Variants in EPS15L1 observed in about 807,000 individuals in gnomAD.
The protein encoded by EPS15L1 is epidermal growth factor receptor pathway substrate 15 like 1, also known as epidermal growth factor receptor substrate 15-like 1.
A neutral mutation model predicts 117.1 loss-of-function variants in EPS15L1; 43 were observed. The ratio of observed to expected loss-of-function variants is 0.37; its 90% CI spans 0.29 to 0.47. The LOEUF (loss-of-function observed/expected upper bound fraction) is 0.47. Ranked by LOEUF, EPS15L1 falls within the 20% of genes least tolerant of loss-of-function variation. The pLI is 0.99. For synonymous variants in EPS15L1, 459 were observed against 470.5 expected, an observed-to-expected ratio of 0.98 and a Z score of 0.32; for missense variants, 981 against 1,164.0, an observed-to-expected ratio of 0.84 and a Z score of 2.29.
At chr19:16,369,187 G>A (rs1357337597) in intron 22 of EPS15L1, among the ~76,000 whole-genome samples, 2 of 152,106 alleles carry the variant, frequency 1.3e-5, no homozygotes, top group African/African-American at 4.8e-5. Context: ...GGACCTGCAG[G>A]CTGGGAGTCC....
intron 16 of EPS15L1, among the ~76,000 whole-genome samples, chr19:16,395,997 A>G (rs2092536792): frequency 6.6e-6 from 1 of 151,532 alleles, no homozygotes; most frequent in Admixed American, 6.6e-5. Flanking sequence ...AATCCCAGCT[A>G]CTTGGGAGGT....
chr19:16,370,059 C>T lies in EPS15L1; in HGVS notation c.2380+7063G>A, dbSNP rs1368853884. On this transcript the variant is annotated intron_variant, in intron 22 of 23. Transcript: ENST00000455140. This position sits in a 1 kb window ranked among gnomAD's most constrained non-coding sequence, Gnocchi z 5.2. ...CCACATGTAACAAGATCCCTGAGAA[C>T]GCCGTGCAGCGAGTCTGAAAGCTGG... is the stretch of plus-strand genomic sequence containing the variant. 6.6e-6 allele frequency among the ~76,000 whole-genome samples: 1 copy of T among 152,170 alleles called. No homozygotes were observed. The highest frequency in any genetic ancestry group is 1.5e-5 in the Non-Finnish European group (1 of 68,014).
intron 21 of EPS15L1, among the ~76,000 whole-genome samples, chr19:16,382,622 CTTTT>C (rs755907271): frequency 5.0e-5 from 7 of 141,162 alleles, no homozygotes; most frequent in Non-Finnish European, 1.1e-4. Flanking sequence ...TCACAGATGG[CTTTT>C]TTTTTTTTTC....
At chr19:16,414,345 G>A (rs115887586) in intron 12 of EPS15L1, among the ~76,000 whole-genome samples, 1,785 of 152,032 alleles carry the variant, frequency 0.012, 34 homozygotes, top group African/African-American at 0.041. Flanking sequence ...CAGCCCAGCC[G>A]ACGCCTTGAC....
intron 22 of EPS15L1, among the ~76,000 whole-genome samples, chr19:16,363,431 C>T (rs1304361202): frequency 1.3e-5 from 2 of 152,112 alleles, no homozygotes; most frequent in African/African-American, 2.4e-5. Flanking sequence ...CTTCCTCATC[C>T]GGTAGAACGA....
intron 13 of EPS15L1, chr19:16,412,657 A>C (rs1349074207): frequency 6.7e-6 from 1 of 148,730 alleles, no homozygotes; most frequent in Non-Finnish European, 1.4e-5. Context: ...ATTTTTAAAA[A>C]CTTCTTCTTC....
At chr19:16,461,392 A>T (rs1364822632) in intron 1 of EPS15L1, among the ~76,000 whole-genome samples, 1 of 151,754 alleles carries the variant, frequency 6.6e-6, no homozygotes, top group African/African-American at 2.4e-5. Flanking sequence ...AGGCCGAGGC[A>T]GGTGGATCGC....
rs557546154 is a variant in EPS15L1, at chr19:16,468,084, A to T, written c.33+3829T>A. 2.0e-5 allele frequency among the ~76,000 whole-genome samples: 3 copies of T among 152,264 alleles called. No individual in the cohort carries two copies. The South Asian group carries it at 6.2e-4, about 32-fold the overall frequency. Reference sequence around the variant, plus strand: ...CCCAGTTACCACGCGCTTCCTAGGTACAGCGGTCACAAAAGGGACCCACGG... The same window carrying T: ...CCCAGTTACCACGCGCTTCCTAGGTTCAGCGGTCACAAAAGGGACCCACGG... On this transcript the variant is annotated intron_variant, in intron 1 of 23. Coordinates refer to ENST00000455140, the MANE Select transcript of EPS15L1 (RefSeq NM_001258374.3).
chr19:16,361,616 T>C, intron 23 of EPS15L1, 163 bp downstream of exon 23: 1 of 1,337,172 alleles, frequency 7.5e-7, no homozygotes, highest in Non-Finnish European at 9.6e-7. Context: ...CTGTTTTTCT[T>C]ACAGAAGTGG....
chr19:16,391,942 T>A (rs1219839040), intron 19 of EPS15L1, among the ~76,000 whole-genome samples: 1 of 151,972 alleles, frequency 6.6e-6, no homozygotes, highest in Non-Finnish European at 1.5e-5. Context: ...GCTTGTGTGA[T>A]TTAGTCTTTT....
chr19:16,408,291 C>T (rs1319082888), intron 13 of EPS15L1, among the ~76,000 whole-genome samples: 1 of 151,958 alleles, frequency 6.6e-6, no homozygotes, highest in Non-Finnish European at 1.5e-5. Context: ...TGTCAGAATC[C>T]CAGCTGGCTT....
chr19:16,462,359 C>A (rs796479020), intron 1 of EPS15L1, among the ~76,000 whole-genome samples: 1 of 152,246 alleles, frequency 6.6e-6, no homozygotes, highest in South Asian at 2.1e-4. Context: ...GACCAGGTTA[C>A]CAGAATCAGG....
At chr19:16,430,692 T>C (rs1046931477) in intron 7 of EPS15L1, among the ~76,000 whole-genome samples, 2 of 152,138 alleles carry the variant, frequency 1.3e-5, no homozygotes, top group Admixed American at 6.5e-5. Context: ...CTCTGAAAAA[T>C]GCTTACTGAA....
intron 12 of EPS15L1, among the ~76,000 whole-genome samples, chr19:16,415,670 G>A (rs2092751832): frequency 6.6e-6 from 1 of 152,216 alleles, no homozygotes; most frequent in Non-Finnish European, 1.5e-5. Flanking sequence ...TGCTCAAGGG[G>A]CCACTGCAGG....
chr19:16,471,934 C>T lies in EPS15L1; in HGVS notation c.12G>A (p.Pro4=), dbSNP rs1163028114. 7.7e-7 allele frequency: 1 copy of T among 1,293,130 alleles called. No homozygotes were observed. Among genetic ancestry groups the T allele is most frequent in the Non-Finnish European group, 9.8e-7 (1 of 1,021,688 alleles). 80.1% of individuals were successfully genotyped at this position (1,293,130 alleles called of 1,614,324 possible). Residue 4 remains proline (P), a synonymous_variant, in exon 1 of 24, where the codon CCG becomes CCA. Coordinates refer to ENST00000455140, the MANE Select transcript of EPS15L1 (RefSeq NM_001258374.3). The surrounding 1 kb of genome is among the most constrained non-coding windows in gnomAD (Gnocchi z 4.8). ...GTACCTGCTGGGAGAGGGGGATGAGCGGCGCCGCCATCTTCCCGCGGACTC... is the reference window on the plus strand; with the variant it reads ...GTACCTGCTGGGAGAGGGGGATGAGTGGCGCCGCCATCTTCCCGCGGACTC... MAA[P]LIPLSQQIPT...
At chr19:16,418,864 T>C (rs1396050084) in intron 10 of EPS15L1, among the ~76,000 whole-genome samples, 1 of 152,176 alleles carries the variant, frequency 6.6e-6, no homozygotes, top group African/African-American at 2.4e-5. Context: ...AGACACTGGA[T>C]CTGCTGGTGC....
intron 23 of EPS15L1, among the ~76,000 whole-genome samples, chr19:16,359,470 C>T (rs1485324091): frequency 6.6e-6 from 1 of 152,210 alleles, no homozygotes; most frequent in Non-Finnish European, 1.5e-5. Context: ...AGGGTCCTGT[C>T]TTCACTCAAC....
In EPS15L1 at chr19:16,404,733, A is replaced by G; in HGVS notation, c.1283T>C (p.Leu428Pro). ...TSEVQELQND[L>P]DRETSSLQEL... is the part of the protein sequence containing the mutation. The stretch of plus-strand genomic sequence containing the variant: ...CTGCAAACTGCTTGTTTCCCGGTCT[A>G]GGTCATTTTGTAATTCCTAGGGAGG... The change falls in exon 14 of 24, where the codon CTA (leucine) becomes CCA (proline). Residue 428 changes from leucine to proline, a missense_variant. Coordinates refer to ENST00000455140, the MANE Select transcript of EPS15L1 (RefSeq NM_001258374.3). The surrounding 1 kb of genome is among the most constrained non-coding windows in gnomAD (Gnocchi z 4.2). 1 of 1,614,158 alleles carries G rather than the reference A, an allele frequency of 6.2e-7. No individual in the cohort carries two copies. Among genetic ancestry groups the G allele is most frequent in the Non-Finnish European group, 8.5e-7 (1 of 1,180,028 alleles).
At chr19:16,463,128 G>T (rs188337958) in intron 1 of EPS15L1, among the ~76,000 whole-genome samples, 2 of 152,288 alleles carry the variant, frequency 1.3e-5, no homozygotes, top group Non-Finnish European at 2.9e-5. Context: ...CCCAGAGCTG[G>T]TCTTCTTTTT....
Sources: allele counts gnomAD v4.1 joint callset (sites outside exome capture counted in the v4.1 genomes callset), GRCh38; gene constraint gnomAD v4.1.1; non-coding constraint Gnocchi (gnomAD v3.1); transcripts MANE v1.5; gene names NCBI Gene and HGNC (gene_info 2026-07-23, HGNC 2026-07-21).